The following GABRG3 variants were observed in gnomAD, a reference collection of about 807,000 sequenced individuals.
GABRG3 encodes the protein gamma-aminobutyric acid type A receptor subunit gamma3, also known as gamma-aminobutyric acid receptor subunit gamma-3.
Under a neutral mutation model 48.8 loss-of-function variants are expected in GABRG3, and 25 were observed. The observed-to-expected ratio is 0.51, with a 90% CI of 0.37 to 0.72. The LOEUF (loss-of-function observed/expected upper bound fraction) is 0.72, where lower values mean the gene tolerates loss of function less well. GABRG3 is among the 30% of genes least tolerant of loss of function. The probability of loss-of-function intolerance (pLI) is 0.00; values close to 1 mark genes in which losing one functional copy is unlikely to be tolerated. For missense variants in GABRG3, 394 were observed against 577.9 expected (o/e 0.68, Z 3.26); for synonymous variants, 227 against 217.6 (o/e 1.04, Z -0.38).
In GABRG3 at chr15:27,082,050, A is replaced by G. The variant is rs150403834; in HGVS notation, c.270+55229A>G. Among the ~76,000 whole-genome samples, 20 of 152,308 alleles carry G rather than the reference A, an allele frequency of 1.3e-4. No homozygotes were observed. The East Asian group carries it at 3.7e-3, about 28-fold the overall frequency. On this transcript the variant is annotated intron_variant, in intron 3 of 9. Coordinates refer to ENST00000615808, the MANE Select transcript of GABRG3 (RefSeq NM_033223.5). ...GAAGCAAGGCACACAGTCACATCAC[A>G]TTACAAATAAAATGCCTCACTGTCA...
intron 3 of GABRG3, among the ~76,000 whole-genome samples, chr15:27,186,292 T>C (rs1888095426): frequency 6.6e-6 from 1 of 152,212 alleles, no homozygotes; most frequent in Non-Finnish European, 1.5e-5. Flanking sequence ...CTTAGGTCAC[T>C]TAGGATAATG....
At chr15:27,274,144 A>G (rs1690361307) in intron 3 of GABRG3, among the ~76,000 whole-genome samples, 1 of 152,178 alleles carries the variant, frequency 6.6e-6, no homozygotes, top group Non-Finnish European at 1.5e-5. Context: ...GCCTTCACTT[A>G]TGTATTGTAT....
chr15:27,539,224 G>T lies in GABRG3; in HGVS notation c.*6343G>T, dbSNP rs897882750. Reference sequence around the variant, plus strand: ...AGCATCCCCTTTCCACCTGAGATGGGCTGAATTTTCACCCGGAAGTCTGAA... The same window carrying T: ...AGCATCCCCTTTCCACCTGAGATGGTCTGAATTTTCACCCGGAAGTCTGAA... On this transcript the variant is annotated 3_prime_UTR_variant, in exon 10 of 10. Coordinates refer to ENST00000615808, the MANE Select transcript of GABRG3 (RefSeq NM_033223.5). 2.0e-5 allele frequency: 3 copies of T among 152,204 alleles called. No homozygotes were observed. The highest frequency in any genetic ancestry group is 4.4e-5 in the Non-Finnish European group (3 of 68,056). The allele number at this position is 152,204 out of a possible 1,614,324, so 9.4% of individuals were successfully genotyped here.
At chr15:27,015,765 T>C (rs2140670760) in intron 2 of GABRG3, among the ~76,000 whole-genome samples, 1 of 152,296 alleles carries the variant, frequency 6.6e-6, no homozygotes, top group South Asian at 2.1e-4. Flanking sequence ...ATTTTCTTCC[T>C]GGTTACCATT....
intron 3 of GABRG3, among the ~76,000 whole-genome samples, chr15:27,031,091 C>CACACACAA (rs1555399444): frequency 6.7e-6 from 1 of 149,590 alleles, no homozygotes; most frequent in African/African-American, 2.5e-5. Flanking sequence ...CACACACATA[C>CACACACAA]AACACATAAC....
At chr15:27,349,280 G>A (rs1174664909) in intron 5 of GABRG3, among the ~76,000 whole-genome samples, 2 of 151,916 alleles carry the variant, frequency 1.3e-5, no homozygotes, top group African/African-American at 2.4e-5. Flanking sequence ...AATGAAATAG[G>A]GGCTTGTAAA....
intron 3 of GABRG3, among the ~76,000 whole-genome samples, chr15:27,115,816 G>A (rs1162583816): frequency 6.6e-6 from 1 of 152,040 alleles, no homozygotes; most frequent in Non-Finnish European, 1.5e-5. Flanking sequence ...TCAAATCAAG[G>A]CAGTTACATA....
At chr15:27,437,172 G>T (rs1888644390) in intron 5 of GABRG3, among the ~76,000 whole-genome samples, 2 of 151,278 alleles carry the variant, frequency 1.3e-5, no homozygotes. Context: ...TGTTAAAATT[G>T]TAGCTGCTTA....
intron 5 of GABRG3, among the ~76,000 whole-genome samples, chr15:27,441,458 T>C (rs774429577): frequency 9.2e-5 from 14 of 152,208 alleles, no homozygotes; most frequent in Non-Finnish European, 1.9e-4. Context: ...CCTGGAAAGA[T>C]ACCTGTGTCC....
At chr15:27,309,857 C>G (rs1261458770) in intron 3 of GABRG3, among the ~76,000 whole-genome samples, 1 of 151,998 alleles carries the variant, frequency 6.6e-6, no homozygotes, top group Non-Finnish European at 1.5e-5. Context: ...ACATAAAAAC[C>G]TGTACATTAA....
chr15:27,233,879 G>T (rs1889877875), intron 3 of GABRG3, among the ~76,000 whole-genome samples: 1 of 152,188 alleles, frequency 6.6e-6, no homozygotes, highest in African/African-American at 2.4e-5. Flanking sequence ...TACACTTCAT[G>T]TGAATTATGT....
intron 3 of GABRG3, among the ~76,000 whole-genome samples, chr15:27,211,186 C>T (rs1267891378): frequency 1.3e-5 from 2 of 152,158 alleles, no homozygotes; most frequent in Non-Finnish European, 2.9e-5. Context: ...CCAAGGCCCT[C>T]CAGGAGTGGA....
chr15:27,409,734 T>C (rs553257322), intron 5 of GABRG3, among the ~76,000 whole-genome samples: 1 of 152,296 alleles, frequency 6.6e-6, no homozygotes, highest in East Asian at 1.9e-4. Context: ...TATATCTTTA[T>C]TAGTATGTAG....
Position 27,500,952 on chromosome 15 carries a change from G to GTTTTT in GABRG3, c.713-19006_713-19002dup, listed in dbSNP as rs61305255. Reference sequence around the variant, plus strand: ...CTGAGAAAAATAGGAAGTAACGTATGTTTTTTTTTTTTTTTTTTGAGACGG... The same window carrying GTTTTT: ...CTGAGAAAAATAGGAAGTAACGTATGTTTTTTTTTTTTTTTTTTTTTTTGAGACGG... On this transcript the variant is annotated intron_variant, in intron 6 of 9. Transcript: ENST00000615808. Among the ~76,000 whole-genome samples, 162 of 122,134 alleles carry GTTTTT rather than the reference G, an allele frequency of 1.3e-3. 10 individuals are homozygous for GTTTTT. The highest frequency in any genetic ancestry group is 4.9e-3 in the Middle Eastern group (1 of 206). The allele number at this position is 122,134 out of a possible 152,430, so 80.1% of individuals were successfully genotyped here.
intron 3 of GABRG3, among the ~76,000 whole-genome samples, chr15:27,209,864 C>G (rs1486386579): frequency 6.6e-6 from 1 of 152,252 alleles, no homozygotes; most frequent in Non-Finnish European, 1.5e-5. Flanking sequence ...CCTTGGCCTG[C>G]AGACAGCCAC....
intron 3 of GABRG3, among the ~76,000 whole-genome samples, chr15:27,046,743 C>T (rs1896372227): frequency 6.6e-6 from 1 of 152,172 alleles, no homozygotes; most frequent in South Asian, 2.1e-4. Context: ...TGAAAATAGG[C>T]ACACACCTTT....
intron 5 of GABRG3, among the ~76,000 whole-genome samples, chr15:27,404,030 G>A (rs1887559414): frequency 2.6e-5 from 4 of 151,784 alleles, no homozygotes; most frequent in Admixed American, 2.0e-4. Context: ...GACCAACCTG[G>A]CTAACATGGT....
chr15:27,409,503 A>T (rs1162899322), intron 5 of GABRG3, among the ~76,000 whole-genome samples: 1 of 152,184 alleles, frequency 6.6e-6, no homozygotes, highest in Non-Finnish European at 1.5e-5. Flanking sequence ...TAGCTATATA[A>T]TTAATCTTAA....
intron 3 of GABRG3, among the ~76,000 whole-genome samples, chr15:27,269,349 T>C (rs2140472455): frequency 6.6e-6 from 1 of 152,324 alleles, no homozygotes; most frequent in South Asian, 2.1e-4. Flanking sequence ...CACCACCACC[T>C]GATTCACTAA....
Sources: gnomAD v4.1 joint callset for allele counts (sites outside exome capture counted in the v4.1 genomes callset) on GRCh38, gnomAD v4.1.1 for gene constraint, MANE v1.5 for transcripts, NCBI Gene and HGNC (gene_info 2026-07-23, HGNC 2026-07-21) for gene names.